The following NRG1 variants were observed in gnomAD, a reference collection of about 807,000 sequenced individuals.
NRG1 encodes pro-neuregulin-1, membrane-bound isoform.
In NRG1, 18 loss-of-function variants were observed where a neutral mutation model predicts 63.8. That is an observed-to-expected ratio of 0.28 (90% CI 0.19 to 0.42). NRG1 has a LOEUF of 0.42. Ranked by LOEUF, NRG1 falls within the 10% of genes least tolerant of loss-of-function variation. The pLI is 1.00. For synonymous variants in NRG1, 302 were observed against 301.3 expected (o/e 1.00, Z -0.02); for missense variants, 762 against 814.7 (o/e 0.94, Z 0.79).
intron 1 of NRG1, among the ~76,000 whole-genome samples, chr8:31,849,630 C>T (rs2129608830): frequency 6.6e-6 from 1 of 152,294 alleles, no homozygotes; most frequent in East Asian, 1.9e-4. Context: ...AATAGCATTG[C>T]ATTATCCTTG....
At chr8:32,101,702 G>C (rs1387973283) in intron 1 of NRG1, among the ~76,000 whole-genome samples, 1 of 152,128 alleles carries the variant, frequency 6.6e-6, no homozygotes, top group African/African-American at 2.4e-5. Context: ...TAGCACGCTA[G>C]TTGCGTTTAA....
At chr8:31,827,055 G>T (rs1824640044) in intron 1 of NRG1, among the ~76,000 whole-genome samples, 1 of 152,068 alleles carries the variant, frequency 6.6e-6, no homozygotes, top group Non-Finnish European at 1.5e-5. Flanking sequence ...AAAGTCCTTG[G>T]CTTGTGGGTT....
chr8:31,988,598 G>T (rs1253369611), intron 1 of NRG1, among the ~76,000 whole-genome samples: 3 of 152,044 alleles, frequency 2.0e-5, no homozygotes, highest in African/African-American at 7.2e-5. Context: ...CCACAAGGTG[G>T]GAAGGGTTAT....
At chr8:31,930,468 T>G (rs2129619868) in intron 1 of NRG1, among the ~76,000 whole-genome samples, 1 of 152,254 alleles carries the variant, frequency 6.6e-6, no homozygotes, top group South Asian at 2.1e-4. Context: ...AATTATTATG[T>G]TCATTGTTTT....
chr8:32,615,051 C>CTAACA (rs5890668), intron 4 of NRG1, among the ~76,000 whole-genome samples: 1 of 151,128 alleles, frequency 6.6e-6, no homozygotes, highest in African/African-American at 2.4e-5. Flanking sequence ...GACTTACAGC[C>CTAACA]TTTAAAAATG....
At chr8:31,721,850 T>C (rs1812951425) in intron 1 of NRG1, among the ~76,000 whole-genome samples, 1 of 152,126 alleles carries the variant, frequency 6.6e-6, no homozygotes, top group South Asian at 2.1e-4. Flanking sequence ...TTCTACTCGC[T>C]CACCTTCTAT....
chr8:32,634,999 A>C (rs1355461682), intron 5 of NRG1, among the ~76,000 whole-genome samples: 1 of 152,226 alleles, frequency 6.6e-6, no homozygotes, highest in Non-Finnish European at 1.5e-5. Flanking sequence ...TAAAGATTAT[A>C]AATAAGAACT....
chr8:32,119,249 C>G (rs1160028029), intron 1 of NRG1, among the ~76,000 whole-genome samples: 1 of 152,092 alleles, frequency 6.6e-6, no homozygotes, highest in Non-Finnish European at 1.5e-5. Flanking sequence ...GAAATCAGTA[C>G]TTTGTCTTCA....
chr8:32,052,737 T>G (rs1018319078), intron 1 of NRG1, among the ~76,000 whole-genome samples: 1 of 152,148 alleles, frequency 6.6e-6, no homozygotes, highest in African/African-American at 2.4e-5. Flanking sequence ...CTAGCTGTAA[T>G]GGGTTAGCAC....
chr8:31,828,265 T>G (rs1586677254), intron 1 of NRG1, among the ~76,000 whole-genome samples: 1 of 152,342 alleles, frequency 6.6e-6, no homozygotes, highest in East Asian at 1.9e-4. Context: ...TGATCAATAA[T>G]TGACGATGAG....
chr8:32,337,017 T>A (rs1326932356), intron 1 of NRG1, among the ~76,000 whole-genome samples: 8 of 152,168 alleles, frequency 5.3e-5, no homozygotes, highest in African/African-American at 1.7e-4. Flanking sequence ...TTTTATACTT[T>A]AAAAATTTTT....
rs543628962 is a variant in NRG1 at position 32,005,232 on chromosome 8, G to A, written c.37+365801G>A. ...CTGTTCTGTGGATTGTGTGAGTTAAGGGGAAGGAAGTGGTGGGACTTAACA... is the reference window on the plus strand; with the variant it reads ...CTGTTCTGTGGATTGTGTGAGTTAAAGGGAAGGAAGTGGTGGGACTTAACA... On this transcript the variant is annotated intron_variant, in intron 1 of 10. Transcript: ENST00000519301. Among the ~76,000 whole-genome samples, 159 of 151,994 alleles carry A rather than the reference G, an allele frequency of 1.0e-3. 1 individual carries two copies. The highest frequency in any genetic ancestry group is 3.8e-3 in the African/African-American group (158 of 41,508).
At chr8:31,854,557 A>C (rs1827636072) in intron 1 of NRG1, among the ~76,000 whole-genome samples, 1 of 151,998 alleles carries the variant, frequency 6.6e-6, no homozygotes, top group Admixed American at 6.6e-5. Context: ...CCTTTCAAAA[A>C]ACCAGCTCCT....
chr8:32,352,963 C>CAG (rs780284301), intron 1 of NRG1, among the ~76,000 whole-genome samples: 1 of 148,492 alleles, frequency 6.7e-6, no homozygotes, highest in Non-Finnish European at 1.5e-5. Flanking sequence ...TATATATATA[C>CAG]AGAGAGAGAG....
At chr8:32,681,104 C>G (rs1808496756) in intron 5 of NRG1, among the ~76,000 whole-genome samples, 1 of 152,090 alleles carries the variant, frequency 6.6e-6, no homozygotes, top group Non-Finnish European at 1.5e-5. Context: ...GGACCCTCTC[C>G]TTTCAGTAAG....
intron 5 of NRG1, among the ~76,000 whole-genome samples, chr8:32,680,038 T>C (rs1051357393): frequency 6.6e-5 from 10 of 152,244 alleles, no homozygotes; most frequent in Non-Finnish European, 7.3e-5. Flanking sequence ...TACTTTTTGG[T>C]TAATCCTTCA....
At chr8:32,476,167 T>C (rs1471103903) in intron 1 of NRG1, among the ~76,000 whole-genome samples, 1 of 152,074 alleles carries the variant, frequency 6.6e-6, no homozygotes, top group Non-Finnish European at 1.5e-5. Flanking sequence ...AAAGGAAAAT[T>C]GGAGAAGATA....
Position 32,344,382 on chromosome 8 carries a change from C to CTTTCTTTCTTTT in NRG1, c.38-251445_38-251444insTTCTTTCTTTTT, listed in dbSNP as rs59156035. Among the ~76,000 whole-genome samples, 91 of 65,876 alleles carry CTTTCTTTCTTTT rather than the reference C, an allele frequency of 1.4e-3. 2 individuals carry two copies. The highest frequency in any genetic ancestry group is 1.9e-3 in the South Asian group (3 of 1,604). 43.2% of individuals were successfully genotyped at this position (65,876 alleles called of 152,430 possible). A position where few individuals can be genotyped will look rare whatever the true frequency, so the allele number is the denominator to read the frequency against. ...TCTTTCTTTCTTTCTTTCTTTCTTT[C>CTTTCTTTCTTTT]TCTTTCTTTCTTTTTTGTGCATGCA... On this transcript the variant is annotated intron_variant, in intron 1 of 10. Coordinates refer to the NRG1 transcript ENST00000519301.
intron 1 of NRG1, among the ~76,000 whole-genome samples, chr8:31,808,802 T>C (rs901445196): frequency 6.6e-6 from 1 of 152,080 alleles, no homozygotes; most frequent in Non-Finnish European, 1.5e-5. Context: ...ATTGCCATCG[T>C]TTCATTTTTA....
Sources: allele counts gnomAD v4.1 joint callset (sites outside exome capture counted in the v4.1 genomes callset), GRCh38; gene constraint gnomAD v4.1.1; transcripts MANE v1.5; gene names NCBI Gene and HGNC (gene_info 2026-07-23, HGNC 2026-07-21).